The following NFIA variants were observed in gnomAD, a reference collection of about 807,000 sequenced individuals.
NFIA encodes the protein nuclear factor I A.
In NFIA, 8 loss-of-function variants were observed where a neutral mutation model predicts 62.8. The ratio of observed to expected loss-of-function variants is 0.13; its 90% CI spans 0.07 to 0.23. NFIA has a LOEUF of 0.23. Among genes scored for constraint, NFIA ranks in the 10% least tolerant of loss-of-function variants. The pLI is 1.00. For missense variants in NFIA, 410 were observed against 642.1 expected, an observed-to-expected ratio of 0.64 and a Z score of 3.91; for synonymous variants, 235 against 238.1, an observed-to-expected ratio of 0.99 and a Z score of 0.12.
At chr1:61,187,797 T>G (rs1651304601) in intron 2 of NFIA, among the ~76,000 whole-genome samples, 1 of 152,238 alleles carries the variant, frequency 6.6e-6, no homozygotes, top group Non-Finnish European at 1.5e-5. Flanking sequence ...GTCCTGTCCC[T>G]GCTGAAAACC....
chr1:61,164,653 G>A (rs2100541101), intron 2 of NFIA, among the ~76,000 whole-genome samples: 1 of 152,052 alleles, frequency 6.6e-6, no homozygotes, highest in Admixed American at 6.5e-5. Context: ...GTAGAGATGG[G>A]GTTTCACCAT....
intron 9 of NFIA, among the ~76,000 whole-genome samples, chr1:61,416,759 T>G (rs1666366016): frequency 6.6e-6 from 1 of 152,140 alleles, no homozygotes; most frequent in African/African-American, 2.4e-5. Context: ...CAATTGGAAT[T>G]ATTAGCCCCT....
At chr1:61,295,470 C>T (rs1659143332) in intron 3 of NFIA, among the ~76,000 whole-genome samples, 2 of 152,062 alleles carry the variant, frequency 1.3e-5, no homozygotes, top group Admixed American at 1.3e-4. Flanking sequence ...GGGTAAAGTT[C>T]GAAGTGGTAC....
chr1:61,395,284 G>GTTTTT (rs1355101265), intron 7 of NFIA, among the ~76,000 whole-genome samples: 2 of 113,028 alleles, frequency 1.8e-5, no homozygotes, highest in African/African-American at 7.2e-5. Context: ...CTGTGTGTGT[G>GTTTTT]TGTGTTTTTT....
chr1:61,185,350 T>C (rs1651094496), intron 2 of NFIA, among the ~76,000 whole-genome samples: 1 of 152,150 alleles, frequency 6.6e-6, no homozygotes, highest in South Asian at 2.1e-4. Context: ...TATGTGGAAA[T>C]TTGTCAATCA....
chr1:61,157,967 T>C (rs1228097327), intron 2 of NFIA, among the ~76,000 whole-genome samples: 2 of 152,230 alleles, frequency 1.3e-5, no homozygotes, highest in African/African-American at 4.8e-5. Context: ...GTGATCCCAC[T>C]GTTAAAAGTT....
At chr1:61,299,184 C>G (rs1341903416) in intron 3 of NFIA, among the ~76,000 whole-genome samples, 2 of 152,156 alleles carry the variant, frequency 1.3e-5, no homozygotes, top group Non-Finnish European at 2.9e-5. Context: ...AGATTCCCAT[C>G]CGGTATCAAG....
chr1:61,425,865 T>C (rs887441277), intron 9 of NFIA, among the ~76,000 whole-genome samples: 1 of 152,216 alleles, frequency 6.6e-6, no homozygotes, highest in African/African-American at 2.4e-5. Flanking sequence ...CAAATGTTAA[T>C]ATGAAAAGCA....
intron 1 of NFIA, among the ~76,000 whole-genome samples, chr1:61,083,438 C>T (rs977748584): frequency 6.6e-6 from 1 of 152,098 alleles, no homozygotes; most frequent in Admixed American, 6.5e-5. Context: ...CGGGGTCCGG[C>T]CGCGGAAAGG....
intron 2 of NFIA, among the ~76,000 whole-genome samples, chr1:61,129,450 C>CT (rs58108909): frequency 1.0e-5 from 1 of 99,172 alleles, no homozygotes; most frequent in African/African-American, 4.0e-5. Flanking sequence ...TTTCTTTATT[C>CT]TTTTTTTTTT....
intron 2 of NFIA, among the ~76,000 whole-genome samples, chr1:61,189,146 CA>C (rs1157772135): frequency 6.6e-6 from 1 of 152,076 alleles, no homozygotes; most frequent in Non-Finnish European, 1.5e-5. Context: ...TTCTGTGGCC[CA>C]GAGAAAGCAG....
At chr1:61,379,628 G>A (rs1027821562) in intron 6 of NFIA, among the ~76,000 whole-genome samples, 1 of 151,626 alleles carries the variant, frequency 6.6e-6, no homozygotes, top group Non-Finnish European at 1.5e-5. Flanking sequence ...GGATGGTCTC[G>A]ATCTCTTGAC....
At chr1:61,093,820 T>C (rs1646365412) in intron 2 of NFIA, among the ~76,000 whole-genome samples, 1 of 152,216 alleles carries the variant, frequency 6.6e-6, no homozygotes, top group Non-Finnish European at 1.5e-5. Flanking sequence ...TGGCTTGGAT[T>C]TTCCTTGTCT....
At chr1:61,373,806 A>AT (rs1664022186) in intron 6 of NFIA, among the ~76,000 whole-genome samples, 1 of 152,074 alleles carries the variant, frequency 6.6e-6, no homozygotes, top group South Asian at 2.1e-4. Context: ...GGAAGTTAAA[A>AT]AAAAAAAGAC....
intron 3 of NFIA, among the ~76,000 whole-genome samples, chr1:61,315,828 G>A (rs1660338193): frequency 6.6e-6 from 1 of 152,202 alleles, no homozygotes; most frequent in South Asian, 2.1e-4. Context: ...GCATCCTTGA[G>A]TTGAGAGCAG....
At chr1:61,236,739 G>A (rs574521017) in intron 2 of NFIA, among the ~76,000 whole-genome samples, 1 of 151,908 alleles carries the variant, frequency 6.6e-6, no homozygotes, top group East Asian at 1.9e-4. Flanking sequence ...TGGTATTAAC[G>A]TGTGAAGGAC....
rs1419612047 is a variant in NFIA at position 61,367,265 on chromosome 1, CAG to C, written c.946+7992_946+7993del. ...CCAACTTAGATTTCTAGCTGAGACA[CAG>C]GGGAAACCCATTATCAGTGCCAGTA... is the stretch of plus-strand genomic sequence containing the variant. On this transcript the variant is annotated intron_variant, in intron 6 of 10. Transcript: ENST00000403491. Among the ~76,000 whole-genome samples the C allele has an allele frequency of 7.2e-5, 11 of 152,208 alleles. No individual in the cohort carries two copies. The South Asian group carries it at 1.4e-3, about 20-fold the overall frequency.
intron 9 of NFIA, among the ~76,000 whole-genome samples, chr1:61,420,780 G>A (rs1289669810): frequency 6.6e-6 from 1 of 152,204 alleles, no homozygotes; most frequent in African/African-American, 2.4e-5. Flanking sequence ...AAGGTTTAGA[G>A]TGGAAGAATG....
chr1:61,204,217 G>T (rs185646287), intron 2 of NFIA, among the ~76,000 whole-genome samples: 1 of 152,088 alleles, frequency 6.6e-6, no homozygotes, highest in African/African-American at 2.4e-5. Context: ...TTAGTCTGTG[G>T]TCTTAAGATC....
Sources: gnomAD v4.1 joint callset for allele counts (sites outside exome capture counted in the v4.1 genomes callset) on GRCh38, gnomAD v4.1.1 for gene constraint, MANE v1.5 for transcripts, NCBI Gene and HGNC (gene_info 2026-07-23, HGNC 2026-07-21) for gene names.